The following CAMTA1 variants were observed in gnomAD, a reference collection of about 807,000 sequenced individuals.
CAMTA1 encodes calmodulin binding transcription activator 1.
CAMTA1 carries 27 observed loss-of-function variants against 170.9 expected under a neutral mutation model. The observed-to-expected ratio is 0.16, with a 90% CI of 0.12 to 0.22. CAMTA1 has a LOEUF of 0.22. Among genes scored for constraint, CAMTA1 ranks in the 10% least tolerant of loss-of-function variants. The pLI, the probability that CAMTA1 is intolerant of heterozygous loss-of-function variation, is 1.00. For synonymous variants in CAMTA1, 833 were observed against 891.5 expected (o/e 0.93, Z 1.17); for missense variants, 1,619 against 2,217.2 (o/e 0.73, Z 5.42).
At position 7,534,312 on chromosome 1, in the gene CAMTA1, C is replaced by T. The variant is rs2091380; in HGVS notation, c.510+66411C>T. Among the ~76,000 whole-genome samples, 4 of 152,198 alleles carry T rather than the reference C, an allele frequency of 2.6e-5. No homozygotes were observed. Among genetic ancestry groups the T allele is most frequent in the East Asian group, 1.9e-4 (1 of 5,184 alleles). On this transcript the variant is annotated intron_variant, in intron 6 of 22. Coordinates refer to ENST00000303635, the MANE Select transcript of CAMTA1 (RefSeq NM_015215.4). This position sits in a 1 kb window ranked among gnomAD's most constrained non-coding sequence, Gnocchi z 5.6. ...GGGCCGCGGGGCTATTTTTAGTTTGCGTCAACATCCCCCTCCAAGCATCCA... is the reference window on the plus strand; with the variant it reads ...GGGCCGCGGGGCTATTTTTAGTTTGTGTCAACATCCCCCTCCAAGCATCCA...
rs371090620 is a variant in CAMTA1 at position 7,591,294 on chromosome 1, G to A, written c.511-49106G>A. On this transcript the variant is annotated intron_variant, in intron 6 of 22. Coordinates refer to ENST00000303635, the MANE Select transcript of CAMTA1 (RefSeq NM_015215.4). ...AAAATCGGAGGCCCTGGGTCATAAC[G>A]AAGTTCAGATCAATTAAAACAATTT... Among the ~76,000 whole-genome samples, 9 of 152,320 alleles carry A rather than the reference G, an allele frequency of 5.9e-5. No individual in the cohort carries two copies. The East Asian group carries it at 1.4e-3, about 23-fold the overall frequency.
At chr1:7,499,626 G>A (rs1284470013) in intron 6 of CAMTA1, among the ~76,000 whole-genome samples, 1 of 146,014 alleles carries the variant, frequency 6.8e-6, no homozygotes, top group African/African-American at 2.6e-5. Context: ...GCATGAGTGA[G>A]TGTGAGCCTG....
chr1:7,238,645 A>G (rs1437739622), intron 4 of CAMTA1, among the ~76,000 whole-genome samples: 2 of 152,232 alleles, frequency 1.3e-5, no homozygotes, highest in African/African-American at 4.8e-5. Context: ...GCACTTTGGG[A>G]GGCCAAGGCA....
At chr1:7,128,280 A>G (rs1645047057) in intron 4 of CAMTA1, among the ~76,000 whole-genome samples, 1 of 152,112 alleles carries the variant, frequency 6.6e-6, no homozygotes, top group African/African-American at 2.4e-5. Context: ...AGTCTTCACC[A>G]TGAGTACAAC....
chr1:7,540,618 C>T (rs12046740), intron 6 of CAMTA1, among the ~76,000 whole-genome samples: 56,118 of 151,980 alleles, frequency 0.37, 10,457 homozygotes, highest in South Asian at 0.42. Context: ...GCTGGATTCA[C>T]CCCCCAAAAC....
chr1:7,522,626 A>T (rs1276819814), intron 6 of CAMTA1, among the ~76,000 whole-genome samples: 1 of 152,120 alleles, frequency 6.6e-6, no homozygotes, highest in African/African-American at 2.4e-5. Flanking sequence ...TTAAGTCCGT[A>T]ATTCATTCTT....
At chr1:7,032,612 T>G (rs1052734247) in intron 3 of CAMTA1, among the ~76,000 whole-genome samples, 1 of 152,168 alleles carries the variant, frequency 6.6e-6, no homozygotes, top group East Asian at 1.9e-4. Context: ...TAAAAAGTCT[T>G]TATATATACC....
intron 6 of CAMTA1, among the ~76,000 whole-genome samples, chr1:7,476,181 A>C (rs563415326): frequency 1.2e-4 from 19 of 152,186 alleles, no homozygotes; most frequent in Non-Finnish European, 2.1e-4. Flanking sequence ...GGCAGGGGAC[A>C]CTGAGCCAGC....
At chr1:7,058,747 T>G (rs1254115383) in intron 3 of CAMTA1, among the ~76,000 whole-genome samples, 1 of 152,194 alleles carries the variant, frequency 6.6e-6, no homozygotes, top group Non-Finnish European at 1.5e-5. Flanking sequence ...AATCTGCTCC[T>G]TTCCTTAAAC....
intron 3 of CAMTA1, among the ~76,000 whole-genome samples, chr1:6,864,332 G>T (rs1280125456): frequency 6.6e-6 from 1 of 152,108 alleles, no homozygotes; most frequent in Non-Finnish European, 1.5e-5. Flanking sequence ...AGACGGTATT[G>T]AGCGATCTTC....
chr1:7,279,132 T>C lies in CAMTA1; in HGVS notation c.438+29506T>C, dbSNP rs1158694645. Among the ~76,000 whole-genome samples the C allele has an allele frequency of 2.6e-5, 4 of 152,132 alleles. No homozygotes were observed. In the East Asian group the frequency reaches 7.7e-4, roughly 29 times the overall value. ...GAGCCTGAGGGGGCTGGTGAGCAGGTGGGCACTGAACCCCGCAGTGCACCT... is the reference window on the plus strand; with the variant it reads ...GAGCCTGAGGGGGCTGGTGAGCAGGCGGGCACTGAACCCCGCAGTGCACCT... On this transcript the variant is annotated intron_variant, in intron 5 of 22. Transcript: ENST00000303635.
At chr1:7,228,329 A>G (rs1662077688) in intron 4 of CAMTA1, among the ~76,000 whole-genome samples, 1 of 152,198 alleles carries the variant, frequency 6.6e-6, no homozygotes. Flanking sequence ...TCAGCCGGGC[A>G]TGGTGGCTCA....
intron 4 of CAMTA1, among the ~76,000 whole-genome samples, chr1:7,226,620 C>T (rs780805550): frequency 5.9e-5 from 9 of 152,120 alleles, no homozygotes; most frequent in African/African-American, 7.2e-5. Flanking sequence ...CGGACTTTTC[C>T]TTATGTACAC....
At chr1:7,503,861 G>T (rs2094052254) in intron 6 of CAMTA1, among the ~76,000 whole-genome samples, 1 of 152,170 alleles carries the variant, frequency 6.6e-6, no homozygotes, top group African/African-American at 2.4e-5. Flanking sequence ...CATCTGGCCG[G>T]CTCTGAGCCA....
At chr1:7,764,842 C>T (rs1047359607) in intron 22 of CAMTA1, among the ~76,000 whole-genome samples, 10 of 152,008 alleles carry the variant, frequency 6.6e-5, no homozygotes, top group Non-Finnish European at 1.2e-4. Context: ...TGCCTGTAAT[C>T]CCAGCTACTC....
rs77077158 is a variant in CAMTA1 at position 7,356,805 on chromosome 1, G to A, written c.438+107179G>A. Among the ~76,000 whole-genome samples, 983 of 152,302 alleles carry A rather than the reference G, an allele frequency of 6.5e-3. 11 individuals are homozygous for A. The highest frequency in any genetic ancestry group is 0.023 in the African/African-American group (939 of 41,552). On this transcript the variant is annotated intron_variant, in intron 5 of 22. Coordinates refer to ENST00000303635, the MANE Select transcript of CAMTA1 (RefSeq NM_015215.4). The stretch of plus-strand genomic sequence containing the variant: ...TGCCTCTTCCATCTACTGACCAACC[G>A]AGGACAAATTACTTAACTTCTCTGA...
At position 7,312,310 on chromosome 1, in the gene CAMTA1, A is replaced by T. The variant is rs892709122; in HGVS notation, c.438+62684A>T. On this transcript the variant is annotated intron_variant, in intron 5 of 22. Coordinates refer to ENST00000303635, the MANE Select transcript of CAMTA1 (RefSeq NM_015215.4). The stretch of plus-strand genomic sequence containing the variant: ...AGTGCAAGTGAATGGATAAAAGAAA[A>T]AAAAAACAAAAAACGGGATTTCTTC... Among the ~76,000 whole-genome samples, 6 of 151,988 alleles carry T rather than the reference A, an allele frequency of 3.9e-5. No homozygotes were observed. In the East Asian group the frequency reaches 1.2e-3, roughly 29 times the overall value.
intron 3 of CAMTA1, among the ~76,000 whole-genome samples, chr1:6,933,907 C>T (rs1484319681): frequency 6.6e-6 from 1 of 152,162 alleles, no homozygotes; most frequent in Non-Finnish European, 1.5e-5. Flanking sequence ...GAATCTAAGT[C>T]GTGTTAGCTC....
At chr1:7,346,628 G>C (rs556085769) in intron 5 of CAMTA1, among the ~76,000 whole-genome samples, 1 of 152,298 alleles carries the variant, frequency 6.6e-6, no homozygotes, top group African/African-American at 2.4e-5. Context: ...TGGAATTTGC[G>C]GGGAAGAGGG....
Sources: gnomAD v4.1 joint callset for allele counts (sites outside exome capture counted in the v4.1 genomes callset) on GRCh38, gnomAD v4.1.1 for gene constraint, Gnocchi (gnomAD v3.1) non-coding constraint, MANE v1.5 for transcripts, NCBI Gene and HGNC (gene_info 2026-07-23, HGNC 2026-07-21) for gene names.